FBXL17: variants seen among roughly 807,000 people sequenced by gnomAD.
The protein encoded by FBXL17 is F-box and leucine rich repeat protein 17.
In FBXL17, 22 loss-of-function variants were observed where a neutral mutation model predicts 66.2. The observed-to-expected ratio is 0.33, with a 90% CI of 0.24 to 0.47. The LOEUF (loss-of-function observed/expected upper bound fraction) is 0.47. FBXL17 is among the 20% of genes least tolerant of loss of function. The pLI is 1.00. For missense variants in FBXL17, 878 were observed against 948.2 expected (o/e 0.93, Z 0.97); for synonymous variants, 474 against 400.5 (o/e 1.18, Z -2.19).
In FBXL17 at chr5:108,186,190, C is replaced by T. The variant is rs1358690791; in HGVS notation, c.1672G>A (p.Val558Met). Residue 558 changes from valine to methionine, a missense_variant, in exon 6 of 9, where the codon GTG becomes ATG. Val to Met is a conservative substitution (Grantham distance 21). Coordinates refer to ENST00000542267, the MANE Select transcript of FBXL17 (RefSeq NM_001163315.3). ...RHITELDNET[V>M]MEIVKRCKNL... ...TTGCACCTCTTGACAATTTCCATCACGGTTTCATTATCCAGTTCAGTGATA... is the reference window on the plus strand; with the variant it reads ...TTGCACCTCTTGACAATTTCCATCATGGTTTCATTATCCAGTTCAGTGATA... The T allele has an allele frequency of 2.5e-6, 4 of 1,612,468 alleles. No individual in the cohort carries two copies. Among genetic ancestry groups the T allele is most frequent in the East Asian group, 2.2e-5 (1 of 44,754 alleles).
Position 108,230,621 on chromosome 5 carries a change from T to C in FBXL17, c.1507-6393A>G, listed in dbSNP as rs142534225. On this transcript the variant is annotated intron_variant, in intron 4 of 8. Coordinates refer to ENST00000542267, the MANE Select transcript of FBXL17 (RefSeq NM_001163315.3). ...AAAAGACTACATATTGGGTTCAGTG[T>C]ATACTGCTCGGGTGATGGGTGCACC... Among the ~76,000 whole-genome samples the C allele has an allele frequency of 5.3e-5, 8 of 152,020 alleles. No individual in the cohort carries two copies. The East Asian group carries it at 1.6e-3, about 29-fold the overall frequency.
At chr5:108,279,094 A>G (rs755750254) in intron 4 of FBXL17, among the ~76,000 whole-genome samples, 11 of 152,236 alleles carry the variant, frequency 7.2e-5, no homozygotes, top group Non-Finnish European at 8.8e-5. Flanking sequence ...ACAAGCACAC[A>G]GCATTTGGAA....
At chr5:108,001,000 T>C (rs1753699342) in intron 7 of FBXL17, among the ~76,000 whole-genome samples, 1 of 152,220 alleles carries the variant, frequency 6.6e-6, no homozygotes, top group African/African-American at 2.4e-5. Flanking sequence ...TTAATTTCAA[T>C]GTACACAGGA....
chr5:108,177,059 T>A (rs143059368), intron 6 of FBXL17, among the ~76,000 whole-genome samples: 34 of 152,268 alleles, frequency 2.2e-4, no homozygotes, highest in African/African-American at 6.0e-4. Flanking sequence ...GAACCAGTAG[T>A]CTCCTTTAAT....
intron 1 of FBXL17, among the ~76,000 whole-genome samples, chr5:108,378,092 T>C (rs1191426347): frequency 3.9e-5 from 6 of 152,216 alleles, no homozygotes; most frequent in Non-Finnish European, 7.3e-5. Flanking sequence ...GAAACTATTA[T>C]ATTAAAATGC....
At chr5:108,342,645 G>A (rs758955438) in intron 4 of FBXL17, among the ~76,000 whole-genome samples, 1 of 152,142 alleles carries the variant, frequency 6.6e-6, no homozygotes, top group Non-Finnish European at 1.5e-5. Context: ...AATCTTAACA[G>A]ATCTGGGTTA....
intron 4 of FBXL17, among the ~76,000 whole-genome samples, chr5:108,263,260 G>C (rs1561494691): frequency 3.9e-5 from 6 of 152,076 alleles, no homozygotes; most frequent in Non-Finnish European, 1.5e-5. Flanking sequence ...AAACACAGTT[G>C]TAGAGGTCTT....
At chr5:108,231,320 T>A (rs1404612076) in intron 4 of FBXL17, among the ~76,000 whole-genome samples, 8 of 152,190 alleles carry the variant, frequency 5.3e-5, no homozygotes, top group Non-Finnish European at 1.0e-4. Flanking sequence ...TATGCTCATA[T>A]ACAGTTAATC....
At chr5:108,265,319 T>C (rs1440444319) in intron 4 of FBXL17, among the ~76,000 whole-genome samples, 3 of 152,134 alleles carry the variant, frequency 2.0e-5, no homozygotes, top group Non-Finnish European at 4.4e-5. Flanking sequence ...TTAAAGATAT[T>C]AATACAATTC....
chr5:108,310,553 CA>C (rs1759066362), intron 4 of FBXL17, among the ~76,000 whole-genome samples: 2 of 152,088 alleles, frequency 1.3e-5, no homozygotes, highest in African/African-American at 2.4e-5. Flanking sequence ...GTGGATACAA[CA>C]TATATAATTT....
chr5:108,359,589 A>AT (rs762837818), intron 3 of FBXL17, among the ~76,000 whole-genome samples: 12 of 152,120 alleles, frequency 7.9e-5, no homozygotes, highest in Non-Finnish European at 1.3e-4. Flanking sequence ...TAATTTCTAC[A>AT]TATCTGTGTA....
chr5:107,928,401 A>G (rs1042856454), intron 7 of FBXL17, among the ~76,000 whole-genome samples: 4 of 150,220 alleles, frequency 2.7e-5, no homozygotes, highest in Non-Finnish European at 3.0e-5. Context: ...TTTCCAAGAG[A>G]CAAAAAGCTA....
chr5:107,995,553 G>C (rs910680900), intron 7 of FBXL17, among the ~76,000 whole-genome samples: 2 of 152,014 alleles, frequency 1.3e-5, no homozygotes, highest in African/African-American at 4.8e-5. Context: ...TGTTTTATAA[G>C]AGTTTGTGTG....
At chr5:107,963,531 G>A (rs1165940399) in intron 7 of FBXL17, among the ~76,000 whole-genome samples, 1 of 152,114 alleles carries the variant, frequency 6.6e-6, no homozygotes, top group Non-Finnish European at 1.5e-5. Flanking sequence ...CTCTAGTTAG[G>A]AGTTGTGTTT....
intron 7 of FBXL17, among the ~76,000 whole-genome samples, chr5:107,925,488 C>T (rs537053391): frequency 2.6e-5 from 4 of 152,288 alleles, no homozygotes; most frequent in East Asian, 1.9e-4. Context: ...GTTGACAGCA[C>T]GTTTTGGCCC....
chr5:108,041,409 T>TTTTTGTTTTG (rs552463697), intron 6 of FBXL17, among the ~76,000 whole-genome samples: 1 of 152,184 alleles, frequency 6.6e-6, no homozygotes, highest in East Asian at 1.9e-4. Context: ...CCTTTTTGTT[T>TTTTTGTTTTG]TTTTGTTTTG....
At position 107,863,291 on chromosome 5, in the gene FBXL17, C is replaced by T. The variant is rs559024200; in HGVS notation, c.1966-1431G>A. On this transcript the variant is annotated intron_variant, in intron 8 of 8. Transcript: ENST00000542267. The stretch of plus-strand genomic sequence containing the variant: ...ATGTATCATCTGGCCTTGCCTATTC[C>T]TCTAGCATATTTTTGATACTATCCA... 3.0e-4 allele frequency among the ~76,000 whole-genome samples: 45 copies of T among 151,416 alleles called. 1 individual carries two copies. Among genetic ancestry groups the T allele is most frequent in the African/African-American group, 1.1e-3 (45 of 41,470 alleles).
chr5:108,066,116 C>G (rs1437471907), intron 6 of FBXL17, among the ~76,000 whole-genome samples: 1 of 152,110 alleles, frequency 6.6e-6, no homozygotes, highest in Non-Finnish European at 1.5e-5. Flanking sequence ...TAGACCTAGG[C>G]TTTCAAATGT....
chr5:108,181,865 C>T (rs1753016925), intron 6 of FBXL17, among the ~76,000 whole-genome samples: 1 of 152,140 alleles, frequency 6.6e-6, no homozygotes, highest in Admixed American at 6.6e-5. Flanking sequence ...ACTGATTAGC[C>T]ATTCACTTTT....
Sources: gnomAD v4.1 joint callset for allele counts (sites outside exome capture counted in the v4.1 genomes callset) on GRCh38, gnomAD v4.1.1 for gene constraint, MANE v1.5 for transcripts, NCBI Gene and HGNC (gene_info 2026-07-23, HGNC 2026-07-21) for gene names.